The following NRXN3 variants were observed in gnomAD, a reference collection of about 807,000 sequenced individuals.
NRXN3 encodes the protein neurexin 3, also known as neurexin III.
In NRXN3, 32 loss-of-function variants were observed where a neutral mutation model predicts 137.6. The observed-to-expected ratio is 0.23, with a 90% CI of 0.18 to 0.31. NRXN3 has a LOEUF of 0.31. NRXN3 is among the 10% of genes least tolerant of loss of function. The pLI is 1.00. For synonymous variants in NRXN3, 798 were observed against 784.5 expected (o/e 1.02, Z -0.29); for missense variants, 1,574 against 2,062.5 (o/e 0.76, Z 4.59).
At chr14:79,018,030 CG>C (rs1423806226) in intron 15 of NRXN3, among the ~76,000 whole-genome samples, 1 of 151,564 alleles carries the variant, frequency 6.6e-6, no homozygotes, top group Non-Finnish European at 1.5e-5. Flanking sequence ...GAGGCTGAGG[CG>C]GGAGGATCAC....
intron 4 of NRXN3, among the ~76,000 whole-genome samples, chr14:78,540,083 G>A (rs1015723979): frequency 6.6e-6 from 1 of 152,206 alleles, no homozygotes; most frequent in Non-Finnish European, 1.5e-5. Flanking sequence ...TGTATATTCT[G>A]TTGATGTGGG....
At chr14:79,413,883 CAAAA>C (rs372803175) in intron 15 of NRXN3, among the ~76,000 whole-genome samples, 1 of 76,324 alleles carries the variant, frequency 1.3e-5, no homozygotes, top group Non-Finnish European at 2.3e-5. Context: ...ATGTGGTTCT[CAAAA>C]AAAAAAAAAA....
intron 16 of NRXN3, among the ~76,000 whole-genome samples, chr14:79,550,961 G>A (rs759580536): frequency 2.6e-5 from 4 of 152,204 alleles, no homozygotes; most frequent in Non-Finnish European, 5.9e-5. Flanking sequence ...TCCTAAAGTG[G>A]AGGTTAATTC....
intron 8 of NRXN3, among the ~76,000 whole-genome samples, chr14:78,795,062 C>G (rs1032795706): frequency 7.2e-5 from 11 of 152,026 alleles, no homozygotes; most frequent in Non-Finnish European, 1.5e-4. Flanking sequence ...CCACTGCACT[C>G]CAGCCTGTGT....
chr14:79,018,683 T>A (rs1018837636), intron 15 of NRXN3, among the ~76,000 whole-genome samples: 1 of 152,216 alleles, frequency 6.6e-6, no homozygotes, highest in Non-Finnish European at 1.5e-5. Context: ...AGCAAATACA[T>A]TCATGCTGAC....
chr14:79,157,133 G>A (rs897344985), intron 15 of NRXN3, among the ~76,000 whole-genome samples: 2 of 151,888 alleles, frequency 1.3e-5, no homozygotes, highest in Middle Eastern at 3.4e-3. Context: ...TTTAGTAAAG[G>A]TTCCTTCTCT....
At chr14:78,949,068 G>T (rs11159386) in intron 10 of NRXN3, among the ~76,000 whole-genome samples, 19,962 of 151,980 alleles carry the variant, frequency 0.13, 2,731 homozygotes, top group East Asian at 0.43. Context: ...TTTATATATG[G>T]TACTTTCATT....
intron 16 of NRXN3, among the ~76,000 whole-genome samples, chr14:79,580,382 A>T (rs188189357): frequency 6.6e-6 from 1 of 151,166 alleles, no homozygotes; most frequent in Admixed American, 6.6e-5. Flanking sequence ...GCAGAATTAA[A>T]TTTTCTGTCT....
rs75514398 is a variant in NRXN3, at chr14:78,499,941, A to T, written c.758-145179A>T. On this transcript the variant is annotated intron_variant, in intron 4 of 20. Transcript: ENST00000335750. ...CTTATATAAAGTAATCACAGAATTG[A>T]TACCCCATCAACTTTGCTGTATTCT... Among the ~76,000 whole-genome samples the T allele has an allele frequency of 6.1e-3, 932 of 152,268 alleles. 7 individuals are homozygous for T. The highest frequency in any genetic ancestry group is 0.021 in the African/African-American group (880 of 41,560).
Position 78,620,824 on chromosome 14 carries a change from C to A in NRXN3, c.758-24296C>A, listed in dbSNP as rs925597530. Among the ~76,000 whole-genome samples the A allele has an allele frequency of 6.6e-5, 10 of 152,018 alleles. No individual in the cohort carries two copies. The South Asian group carries it at 8.3e-4, about 13-fold the overall frequency. ...TATACCTATTTTATAGGTGAGGAAACCGAGACATAGAGAGTTTAAATAACT... is the reference window on the plus strand; with the variant it reads ...TATACCTATTTTATAGGTGAGGAAAACGAGACATAGAGAGTTTAAATAACT... On this transcript the variant is annotated intron_variant, in intron 4 of 20. Coordinates refer to ENST00000335750, the MANE Select transcript of NRXN3 (RefSeq NM_001330195.2).
At chr14:78,426,486 C>CAA (rs1318065078) in intron 4 of NRXN3, among the ~76,000 whole-genome samples, 1 of 152,166 alleles carries the variant, frequency 6.6e-6, no homozygotes, top group Non-Finnish European at 1.5e-5. Flanking sequence ...GAATAGCACA[C>CAA]AAAATTATTT....
At chr14:79,436,767 A>C (rs527608398) in intron 15 of NRXN3, among the ~76,000 whole-genome samples, 2 of 152,308 alleles carry the variant, frequency 1.3e-5, no homozygotes, top group South Asian at 4.1e-4. Context: ...GTACCACTAA[A>C]ATCATTGCTG....
Position 78,818,966 on chromosome 14 carries a change from A to G in NRXN3, c.2275+8622A>G, listed in dbSNP as rs562970879. 8.5e-5 allele frequency among the ~76,000 whole-genome samples: 13 copies of G among 152,230 alleles called. No homozygotes were observed. In the East Asian group the frequency reaches 2.3e-3, roughly 27 times the overall value. ...CTAATTCAACATTCAATTCAACATA[A>G]TGATGTCTTTTTTCACAATGTGTGT... On this transcript the variant is annotated intron_variant, in intron 10 of 20. Coordinates refer to ENST00000335750, the MANE Select transcript of NRXN3 (RefSeq NM_001330195.2).
At chr14:79,455,535 A>G (rs949908291) in intron 15 of NRXN3, among the ~76,000 whole-genome samples, 1 of 152,046 alleles carries the variant, frequency 6.6e-6, no homozygotes, top group Non-Finnish European at 1.5e-5. Context: ...TAAAACTTGA[A>G]TCTCCTTTCC....
intron 15 of NRXN3, among the ~76,000 whole-genome samples, chr14:78,995,087 TGATATTA>T (rs1463570867): frequency 1.3e-5 from 2 of 152,216 alleles, no homozygotes; most frequent in Non-Finnish European, 2.9e-5. Flanking sequence ...ACATCTGTAC[TGATATTA>T]GACTAGGATG....
chr14:79,377,147 TAAG>T (rs1599401104), intron 15 of NRXN3, among the ~76,000 whole-genome samples: 1 of 152,340 alleles, frequency 6.6e-6, no homozygotes, highest in South Asian at 2.1e-4. Context: ...GATGTTTACT[TAAG>T]AAGAGATAGG....
chr14:79,166,718 T>C (rs1357318242), intron 15 of NRXN3, among the ~76,000 whole-genome samples: 1 of 151,800 alleles, frequency 6.6e-6, no homozygotes, highest in Admixed American at 6.6e-5. Flanking sequence ...AAAAGAACCA[T>C]CTTTGAAGCC....
intron 1 of NRXN3, among the ~76,000 whole-genome samples, chr14:78,239,780 C>T (rs974142123): frequency 1.3e-5 from 2 of 152,092 alleles, no homozygotes; most frequent in Non-Finnish European, 2.9e-5. Context: ...GATCTTGGCT[C>T]ACTGCAAACT....
intron 15 of NRXN3, among the ~76,000 whole-genome samples, chr14:79,358,323 G>C (rs1375147744): frequency 6.6e-6 from 1 of 152,064 alleles, no homozygotes; most frequent in East Asian, 1.9e-4. Context: ...AGCACTTCGG[G>C]ACTTTGGGAG....
Sources: gnomAD v4.1 joint callset for allele counts (sites outside exome capture counted in the v4.1 genomes callset) on GRCh38, gnomAD v4.1.1 for gene constraint, MANE v1.5 for transcripts, NCBI Gene and HGNC (gene_info 2026-07-23, HGNC 2026-07-21) for gene names.